MOB3B: variants seen among roughly 807,000 people sequenced by gnomAD.
MOB3B encodes MOB kinase activator-like 2B.
In MOB3B, 7 loss-of-function variants were observed where a neutral mutation model predicts 18.7. The observed-to-expected ratio is 0.37, with a 90% CI of 0.21 to 0.70. MOB3B has a LOEUF of 0.70. Ranked by LOEUF, MOB3B falls within the 30% of genes least tolerant of loss-of-function variation. The probability of loss-of-function intolerance (pLI) is 0.52; values close to 1 mark genes in which losing one functional copy is unlikely to be tolerated. For synonymous variants in MOB3B, 111 were observed against 99.9 expected (o/e 1.11, Z -0.66); for missense variants, 253 against 281.3 (o/e 0.90, Z 0.72).
At chr9:27,333,871 T>G (rs543659921) in intron 3 of MOB3B, among the ~76,000 whole-genome samples, 50 of 152,220 alleles carry the variant, frequency 3.3e-4, no homozygotes, top group African/African-American at 1.1e-3. Flanking sequence ...CCTGCTGAAT[T>G]CCCTCCCACT....
chr9:27,523,784 T>A (rs1820379990), intron 1 of MOB3B, among the ~76,000 whole-genome samples: 1 of 152,186 alleles, frequency 6.6e-6, no homozygotes, highest in Admixed American at 6.5e-5. Context: ...TTAACAAAAT[T>A]GGAAAAACCT....
chr9:27,363,504 G>A (rs1298635251), intron 2 of MOB3B, among the ~76,000 whole-genome samples: 5 of 151,748 alleles, frequency 3.3e-5, no homozygotes, highest in Non-Finnish European at 4.4e-5. Context: ...TCCTGACCTC[G>A]TGATCTGCCC....
At chr9:27,360,309 G>C (rs1402759153) in intron 2 of MOB3B, among the ~76,000 whole-genome samples, 1 of 152,140 alleles carries the variant, frequency 6.6e-6, no homozygotes, top group African/African-American at 2.4e-5. Flanking sequence ...TTTGAGACCA[G>C]TCTGGCCAAC....
intron 1 of MOB3B, among the ~76,000 whole-genome samples, chr9:27,511,610 T>G (rs564215432): frequency 2.5e-4 from 38 of 152,278 alleles, no homozygotes; most frequent in Admixed American, 2.0e-3. Context: ...AAATAGCAAA[T>G]TAATCATTTA....
chr9:27,415,262 AC>A (rs1301883835), intron 2 of MOB3B, among the ~76,000 whole-genome samples: 1 of 152,218 alleles, frequency 6.6e-6, no homozygotes, highest in Admixed American at 6.5e-5. Context: ...TTTCTCTCAA[AC>A]ATAGGTTAAA....
intron 3 of MOB3B, among the ~76,000 whole-genome samples, chr9:27,356,956 G>C (rs1295308971): frequency 6.6e-6 from 1 of 150,768 alleles, no homozygotes; most frequent in African/African-American, 2.4e-5. Flanking sequence ...CATACTATTT[G>C]TCCAACTGCA....
At chr9:27,396,197 A>T (rs935908909) in intron 2 of MOB3B, among the ~76,000 whole-genome samples, 1 of 152,170 alleles carries the variant, frequency 6.6e-6, no homozygotes, top group African/African-American at 2.4e-5. Context: ...CTTTTGCTTC[A>T]AACAGATGTA....
intron 2 of MOB3B, among the ~76,000 whole-genome samples, chr9:27,438,428 G>A (rs1181249681): frequency 6.6e-6 from 1 of 152,174 alleles, no homozygotes; most frequent in Admixed American, 6.5e-5. Context: ...GGAGGCTCAG[G>A]ACCCCTGATA....
chr9:27,344,212 G>A (rs187818340), intron 3 of MOB3B, among the ~76,000 whole-genome samples: 6 of 152,250 alleles, frequency 3.9e-5, no homozygotes, highest in Admixed American at 2.6e-4. Context: ...AATCCTCATA[G>A]GAGTTTTGAA....
rs577873574 is a variant in MOB3B at position 27,374,659 on chromosome 9, C to T, written c.419-15423G>A. 3.9e-5 allele frequency among the ~76,000 whole-genome samples: 6 copies of T among 152,102 alleles called. 1 individual carries two copies. In the East Asian group the frequency reaches 1.2e-3, roughly 30 times the overall value. On this transcript the variant is annotated intron_variant, in intron 2 of 3. Transcript: ENST00000262244. The stretch of plus-strand genomic sequence containing the variant: ...CTGGTGCCTGCAGGCCAAAGTCAGC[C>T]CACAGGACTGTCTTCTTTGGACTAC...
At chr9:27,500,426 G>A (rs528645053) in intron 1 of MOB3B, among the ~76,000 whole-genome samples, 5 of 151,438 alleles carry the variant, frequency 3.3e-5, no homozygotes, top group African/African-American at 7.3e-5. Flanking sequence ...CAGAACAGAC[G>A]CCTCAGAAAT....
chr9:27,367,243 T>C (rs953329431), intron 2 of MOB3B, among the ~76,000 whole-genome samples: 21 of 152,244 alleles, frequency 1.4e-4, no homozygotes, highest in Non-Finnish European at 2.6e-4. Context: ...TAGTTTGTGA[T>C]GAAGAGGGAT....
At chr9:27,357,888 C>CAAGAA (rs1821215274) in intron 3 of MOB3B, among the ~76,000 whole-genome samples, 1 of 57,944 alleles carries the variant, frequency 1.7e-5, no homozygotes, top group African/African-American at 6.2e-5. Flanking sequence ...CCCATCGCTA[C>CAAGAA]AAAAAAAAAA....
At chr9:27,400,657 T>C (rs1821864824) in intron 2 of MOB3B, among the ~76,000 whole-genome samples, 1 of 152,234 alleles carries the variant, frequency 6.6e-6, no homozygotes, top group Non-Finnish European at 1.5e-5. Context: ...AGAACAGGTG[T>C]GACATCACTC....
chr9:27,460,895 A>G (rs1419068720), intron 1 of MOB3B, among the ~76,000 whole-genome samples: 2 of 152,236 alleles, frequency 1.3e-5, no homozygotes, highest in African/African-American at 4.8e-5. Flanking sequence ...CAGTGAAACC[A>G]CAAAAGAGGA....
chr9:27,529,312 G>C (rs916994104), intron 1 of MOB3B, among the ~76,000 whole-genome samples: 1 of 152,178 alleles, frequency 6.6e-6, no homozygotes, highest in African/African-American at 2.4e-5. Context: ...GGCGACCCTT[G>C]TTCCTGCCGG....
chr9:27,515,160 T>C (rs190321385), intron 1 of MOB3B, among the ~76,000 whole-genome samples: 1 of 152,252 alleles, frequency 6.6e-6, no homozygotes, highest in Non-Finnish European at 1.5e-5. Context: ...TTCTTAACAT[T>C]TGAACTGTGC....
In MOB3B at chr9:27,348,303, G is replaced by T. The variant is rs543329052; in HGVS notation, c.621+10731C>A. On this transcript the variant is annotated intron_variant, in intron 3 of 3. Transcript: ENST00000262244. ...TTTAAAAATGTTGGTCTCTGTGGTG[G>T]TTTAAAAATATTTTAAAATTATTTA... Among the ~76,000 whole-genome samples, 204 of 152,234 alleles carry T rather than the reference G, an allele frequency of 1.3e-3. 1 individual carries two copies. The highest frequency in any genetic ancestry group is 4.7e-3 in the African/African-American group (195 of 41,526).
At position 27,372,941 on chromosome 9, in the gene MOB3B, G is replaced by A. The variant is rs553691887; in HGVS notation, c.419-13705C>T. On this transcript the variant is annotated intron_variant, in intron 2 of 3. Transcript: ENST00000262244. ...GTTAGCGATACTGGAAACTGGGTGA[G>A]GGATATATGGGAACTCTGTACTATC... 1.3e-3 allele frequency among the ~76,000 whole-genome samples: 194 copies of A among 152,310 alleles called. 1 individual carries two copies. Among genetic ancestry groups the A allele is most frequent in the Non-Finnish European group, 2.3e-3 (159 of 68,028 alleles).
Sources: gnomAD v4.1 joint callset for allele counts (sites outside exome capture counted in the v4.1 genomes callset) on GRCh38, gnomAD v4.1.1 for gene constraint, MANE v1.5 for transcripts, NCBI Gene and HGNC (gene_info 2026-07-23, HGNC 2026-07-21) for gene names.